Variants in RBFOX1 observed in about 807,000 individuals in gnomAD.
The protein encoded by RBFOX1 is RNA binding protein fox-1 homolog 1.
In RBFOX1, 8 loss-of-function variants were observed where a neutral mutation model predicts 57.7. That is an observed-to-expected ratio of 0.14 (90% CI 0.08 to 0.25). RBFOX1 has a LOEUF of 0.25. RBFOX1 is among the 10% of genes least tolerant of loss of function. RBFOX1 has a pLI of 1.00. For synonymous variants in RBFOX1, 326 were observed against 222.4 expected, an observed-to-expected ratio of 1.47 and a Z score of -4.15; for missense variants, 611 against 548.5, an observed-to-expected ratio of 1.11 and a Z score of -1.14.
rs993719294 is a variant in RBFOX1, at chr16:6,883,225, C to G, written c.-15-168832C>G. Among the ~76,000 whole-genome samples the G allele has an allele frequency of 5.9e-5, 9 of 152,270 alleles. No individual in the cohort carries two copies. The East Asian group carries it at 7.7e-4, about 13-fold the overall frequency. On this transcript the variant is annotated intron_variant, in intron 3 of 15. Coordinates refer to ENST00000550418, the MANE Select transcript of RBFOX1 (RefSeq NM_018723.4). ...GAAAGAAAGTACTTAGCTTAGAAAT[C>G]TCGCTTTGCTACACTATGGGTTTTC...
At chr16:6,495,020 C>G (rs926553111) in intron 2 of RBFOX1, among the ~76,000 whole-genome samples, 4 of 152,124 alleles carry the variant, frequency 2.6e-5, no homozygotes, top group Non-Finnish European at 5.9e-5. Context: ...AGTAACTTGC[C>G]CAAGATTATA....
At chr16:5,286,459 G>T (rs377390066) in intron 1 of RBFOX1, among the ~76,000 whole-genome samples, 7 of 152,116 alleles carry the variant, frequency 4.6e-5, no homozygotes, top group Admixed American at 1.3e-4. Context: ...CAGTCTCCAG[G>T]CCCCCAGATG....
At chr16:6,265,938 T>A (rs964661053) in intron 1 of RBFOX1, among the ~76,000 whole-genome samples, 4 of 152,178 alleles carry the variant, frequency 2.6e-5, no homozygotes, top group Non-Finnish European at 4.4e-5. Flanking sequence ...GCATCCTTCC[T>A]GGTATTGTGG....
chr16:6,727,084 C>G (rs1365834597), intron 3 of RBFOX1, among the ~76,000 whole-genome samples: 2 of 134,296 alleles, frequency 1.5e-5, no homozygotes, highest in Non-Finnish European at 3.2e-5. Context: ...GAGAGACACA[C>G]AAAACACACA....
intron 4 of RBFOX1, among the ~76,000 whole-genome samples, chr16:7,318,871 T>G (rs531450236): frequency 6.6e-6 from 1 of 152,212 alleles, no homozygotes; most frequent in African/African-American, 2.4e-5. Flanking sequence ...AGACTCCCAG[T>G]AATTATAAAA....
At chr16:6,001,435 A>G (rs2060598163) in intron 4 of RBFOX1, among the ~76,000 whole-genome samples, 1 of 152,250 alleles carries the variant, frequency 6.6e-6, no homozygotes, top group Non-Finnish European at 1.5e-5. Flanking sequence ...TGGGCCACAC[A>G]TACTGTGAAG....
chr16:5,813,374 G>A lies in RBFOX1; in HGVS notation c.319-53929G>A, dbSNP rs376055199. ...TTTTCGTCACCCAAACAGAAAACTC[G>A]TACCCATTAAGCATTCATACCCATT... On this transcript the variant is annotated intron_variant, in intron 3 of 19. Transcript: ENST00000641259. Among the ~76,000 whole-genome samples, 7 of 152,140 alleles carry A rather than the reference G, an allele frequency of 4.6e-5. No homozygotes were observed. In the East Asian group the frequency reaches 9.6e-4, roughly 21 times the overall value.
intron 2 of RBFOX1, among the ~76,000 whole-genome samples, chr16:6,505,434 C>A (rs942782272): frequency 6.6e-6 from 1 of 152,108 alleles, no homozygotes; most frequent in Non-Finnish European, 1.5e-5. Flanking sequence ...CCCATTACAT[C>A]CAGGAGGAAT....
chr16:5,658,876 A>AAT lies in RBFOX1; in HGVS notation c.318+59928_318+59929dup, dbSNP rs960201557. Among the ~76,000 whole-genome samples the AAT allele has an allele frequency of 1.3e-3, 190 of 148,648 alleles. No homozygotes were observed. The Middle Eastern group carries it at 0.036, about 28-fold the overall frequency. ...ATATATATGTGTGTGTATATGTATA[A>AAT]ATATATATATATATCTCACATAGTT... is the stretch of plus-strand genomic sequence containing the variant. On this transcript the variant is annotated intron_variant, in intron 3 of 19. Transcript: ENST00000641259.
chr16:5,448,590 A>G (rs1235329311), intron 1 of RBFOX1, among the ~76,000 whole-genome samples: 1 of 152,176 alleles, frequency 6.6e-6, no homozygotes, highest in Non-Finnish European at 1.5e-5. Context: ...ATGGAACTGC[A>G]CTGAGTGGGT....
chr16:7,349,630 C>T (rs147474878), intron 4 of RBFOX1, among the ~76,000 whole-genome samples: 53 of 152,180 alleles, frequency 3.5e-4, no homozygotes, highest in Admixed American at 1.6e-3. Flanking sequence ...ATACCACATC[C>T]GCTTGAGAGG....
chr16:5,756,817 C>T (rs914733750), intron 3 of RBFOX1, among the ~76,000 whole-genome samples: 3 of 152,154 alleles, frequency 2.0e-5, no homozygotes, highest in Non-Finnish European at 4.4e-5. Context: ...GAAAGGTGGA[C>T]TTCTCAATAA....
intron 3 of RBFOX1, among the ~76,000 whole-genome samples, chr16:6,880,413 A>G (rs2062701600): frequency 6.6e-6 from 1 of 152,160 alleles, no homozygotes; most frequent in African/African-American, 2.4e-5. Context: ...AGGAATGAAC[A>G]TGTGACCCAG....
chr16:6,984,451 A>C (rs1051422065), intron 3 of RBFOX1, among the ~76,000 whole-genome samples: 1 of 152,102 alleles, frequency 6.6e-6, no homozygotes, highest in Non-Finnish European at 1.5e-5. Context: ...AAAACAATAT[A>C]TATCCCTATG....
At chr16:7,031,168 G>A (rs1432907524) in intron 3 of RBFOX1, among the ~76,000 whole-genome samples, 1 of 152,288 alleles carries the variant, frequency 6.6e-6, no homozygotes, top group South Asian at 2.1e-4. Flanking sequence ...TGCATGTAGA[G>A]AGTCAGCAAT....
chr16:6,432,235 C>G (rs1371548893), intron 2 of RBFOX1, among the ~76,000 whole-genome samples: 4 of 152,070 alleles, frequency 2.6e-5, no homozygotes, highest in Non-Finnish European at 4.4e-5. Context: ...TCCCAAAGTG[C>G]TAGGATTATA....
chr16:6,228,420 C>T (rs911137040), intron 1 of RBFOX1, among the ~76,000 whole-genome samples: 2 of 11,730 alleles, frequency 1.7e-4, no homozygotes, highest in Non-Finnish European at 1.8e-3. Context: ...ATTTTTAACA[C>T]ACACACAGAC....
intron 1 of RBFOX1, among the ~76,000 whole-genome samples, chr16:6,239,127 C>T (rs558348211): frequency 7.2e-5 from 11 of 152,256 alleles, no homozygotes; most frequent in African/African-American, 2.6e-4. Context: ...CCCATTCCCA[C>T]AGCATACACT....
intron 3 of RBFOX1, among the ~76,000 whole-genome samples, chr16:6,895,956 G>T (rs561498247): frequency 6.5e-4 from 98 of 151,864 alleles, no homozygotes; most frequent in African/African-American, 2.3e-3. Flanking sequence ...ATATTTGTGG[G>T]GTACCAAAGA....
Sources: gnomAD v4.1 joint callset for allele counts (sites outside exome capture counted in the v4.1 genomes callset) on GRCh38, gnomAD v4.1.1 for gene constraint, MANE v1.5 for transcripts, NCBI Gene and HGNC (gene_info 2026-07-23, HGNC 2026-07-21) for gene names.